The following PCDHA6 variants were observed in gnomAD, a reference collection of about 807,000 sequenced individuals.
PCDHA6 encodes the protein protocadherin alpha-6.
PCDHA6 carries 55 observed loss-of-function variants against 60.3 expected under a neutral mutation model. That is an observed-to-expected ratio of 0.91 (90% CI 0.73 to 1.14). PCDHA6 has a LOEUF of 1.14. Ranked by LOEUF, PCDHA6 falls within the 50% of genes most tolerant of loss-of-function variation. PCDHA6 has a pLI of 0.00. For synonymous variants in PCDHA6, 652 were observed against 557.9 expected, an observed-to-expected ratio of 1.17 and a Z score of -2.38; for missense variants, 1,327 against 1,256.5, an observed-to-expected ratio of 1.06 and a Z score of -0.85.
intron 1 of PCDHA6, chr5:140,884,085 G>A (rs1181483962): frequency 6.2e-7 from 1 of 1,613,484 alleles, no homozygotes; most frequent in Non-Finnish European, 8.5e-7. Flanking sequence ...TACAATGCGT[G>A]GCTTTCGTAT....
intron 1 of PCDHA6, among the ~76,000 whole-genome samples, chr5:140,893,817 C>G (rs951661016): frequency 6.6e-6 from 1 of 151,980 alleles, no homozygotes; most frequent in Admixed American, 6.6e-5. Flanking sequence ...AGTCTGGTAC[C>G]GTAGACTACT....
At chr5:140,864,459 C>CT (rs1474178285) in intron 1 of PCDHA6, 1 of 152,180 alleles carries the variant, frequency 6.6e-6, no homozygotes, top group Non-Finnish European at 1.5e-5. Context: ...CAATATCCAT[C>CT]TTTTTTGAGA....
chr5:140,883,850 C>G (rs369951260), intron 1 of PCDHA6: 31 of 1,612,792 alleles, frequency 1.9e-5, no homozygotes, highest in African/African-American at 4.0e-5. Flanking sequence ...CCACGAGGAG[C>G]TGGAGCTGTT....
At chr5:140,870,912 C>T (rs1554164817) in intron 1 of PCDHA6, 1 of 1,613,952 alleles carries the variant, frequency 6.2e-7, no homozygotes, top group Admixed American at 1.7e-5. Flanking sequence ...CAGGCTACAA[C>T]GCGTGGCTTT....
Position 140,828,035 on chromosome 5 carries a change from G to A in PCDHA6, c.-57G>A. The A allele has an allele frequency of 3.3e-6, 5 of 1,537,082 alleles. No homozygotes were observed. The highest frequency in any genetic ancestry group is 4.4e-6 in the Non-Finnish European group (5 of 1,144,136). On this transcript the variant is annotated 5_prime_UTR_variant, in exon 1 of 4. Coordinates refer to ENST00000529310, the MANE Select transcript of PCDHA6 (RefSeq NM_018909.4). ...GGATTAATAAATTCCGGAACATACA[G>A]TATTTTATCTTTATGCGGAAGATCT...
chr5:140,927,486 C>T (rs782314357), intron 1 of PCDHA6: 11 of 1,614,010 alleles, frequency 6.8e-6, no homozygotes, highest in Non-Finnish European at 8.5e-6. Flanking sequence ...AGCGCGCCAC[C>T]CACCTGCTGG....
At chr5:140,909,961 A>G (rs1407330494) in intron 1 of PCDHA6, among the ~76,000 whole-genome samples, 2 of 152,206 alleles carry the variant, frequency 1.3e-5, no homozygotes, top group Non-Finnish European at 2.9e-5. Flanking sequence ...GTAGGTCTCC[A>G]TGGGGAAGGA....
intron 1 of PCDHA6, chr5:140,883,472 A>G (rs782442737): frequency 1.2e-5 from 20 of 1,614,018 alleles, no homozygotes; most frequent in Non-Finnish European, 1.4e-5. Context: ...GTCCACCTAC[A>G]AGAACTACTA....
At chr5:140,871,488 C>G (rs370808040) in intron 1 of PCDHA6, 14 of 1,591,168 alleles carry the variant, frequency 8.8e-6, no homozygotes, top group African/African-American at 1.3e-5. Context: ...CAAATCACCC[C>G]GGACAGGTGA....
Position 140,914,039 on chromosome 5 carries a change from G to A in PCDHA6, c.2395-64910G>A, listed in dbSNP as rs147787020. Among the ~76,000 whole-genome samples the A allele has an allele frequency of 2.0e-5, 3 of 152,238 alleles. No individual in the cohort carries two copies. In the East Asian group the frequency reaches 5.8e-4, roughly 29 times the overall value. ...ATGATCCACGTGCTGAGAAGAATGT[G>A]TATTCTGCAGCTGTTGGATGAAATG... is the stretch of plus-strand genomic sequence containing the variant. On this transcript the variant is annotated intron_variant, in intron 1 of 3. Coordinates refer to ENST00000529310, the MANE Select transcript of PCDHA6 (RefSeq NM_018909.4).
chr5:140,884,273 C>T (rs1554181411), intron 1 of PCDHA6: 2 of 1,613,468 alleles, frequency 1.2e-6, no homozygotes, highest in Admixed American at 3.3e-5. Context: ...GCTGTTGTCG[C>T]TGGTGGAGAG....
chr5:140,836,399 C>T (rs2150259749), intron 1 of PCDHA6: 3 of 1,613,764 alleles, frequency 1.9e-6, no homozygotes, highest in Admixed American at 3.3e-5. Flanking sequence ...TGGTGGAAAG[C>T]GGCCAGGCAC....
At chr5:140,919,262 G>A (rs1482345606) in intron 1 of PCDHA6, among the ~76,000 whole-genome samples, 2 of 152,142 alleles carry the variant, frequency 1.3e-5, no homozygotes, top group African/African-American at 4.8e-5. Context: ...TCTGATATTA[G>A]TGTAGTCACT....
Position 140,850,049 on chromosome 5 carries a change from C to T in PCDHA6, c.2394+19564C>T, listed in dbSNP as rs1354549642. 22 of 1,596,350 alleles carry T rather than the reference C, an allele frequency of 1.4e-5. 2 individuals carry two copies. Among genetic ancestry groups the T allele is most frequent in the Non-Finnish European group, 1.9e-5 (22 of 1,167,808 alleles). Reference sequence around the variant, plus strand: ...TGCACGCGGAGAGCGGCAAGGTGTACGCGCTGCAGCCGTTGGACCACGAGG... The same window carrying T: ...TGCACGCGGAGAGCGGCAAGGTGTATGCGCTGCAGCCGTTGGACCACGAGG... On this transcript the variant is annotated intron_variant, in intron 1 of 3. Coordinates refer to ENST00000529310, the MANE Select transcript of PCDHA6 (RefSeq NM_018909.4).
intron 1 of PCDHA6, among the ~76,000 whole-genome samples, chr5:140,934,332 T>C (rs1452316834): frequency 1.3e-5 from 2 of 152,140 alleles, no homozygotes; most frequent in Non-Finnish European, 2.9e-5. Flanking sequence ...ATGAATGTAA[T>C]AACCACCAGT....
chr5:140,891,568 A>G (rs1448026659), intron 1 of PCDHA6, among the ~76,000 whole-genome samples: 1 of 151,646 alleles, frequency 6.6e-6, no homozygotes, highest in Non-Finnish European at 1.5e-5. Flanking sequence ...CTCTAATTAA[A>G]CATATTTTAA....
At chr5:140,923,299 G>A (rs921157994) in intron 1 of PCDHA6, among the ~76,000 whole-genome samples, 17 of 152,330 alleles carry the variant, frequency 1.1e-4, no homozygotes, top group Middle Eastern at 3.4e-3. Context: ...TTAGCTGGGC[G>A]TGGGGGCGCT....
chr5:141,006,343 C>T (rs1036137270), intron 3 of PCDHA6, among the ~76,000 whole-genome samples: 41 of 152,038 alleles, frequency 2.7e-4, no homozygotes, highest in African/African-American at 8.9e-4. Context: ...TCCTGAGTAG[C>T]TGGGACTATA....
At chr5:140,917,699 A>G (rs980073163) in intron 1 of PCDHA6, among the ~76,000 whole-genome samples, 1 of 152,058 alleles carries the variant, frequency 6.6e-6, no homozygotes, top group Non-Finnish European at 1.5e-5. Flanking sequence ...AGATCAGATA[A>G]TTGTAGGTGT....
Sources: allele counts gnomAD v4.1 joint callset (sites outside exome capture counted in the v4.1 genomes callset), GRCh38; gene constraint gnomAD v4.1.1; transcripts MANE v1.5; gene names NCBI Gene and HGNC (gene_info 2026-07-23, HGNC 2026-07-21).